The following PHACTR2 variants were observed in gnomAD, a reference collection of about 807,000 sequenced individuals.
The protein encoded by PHACTR2 is chromosome 6 open reading frame 56.
PHACTR2 carries 30 observed loss-of-function variants against 76.0 expected under a neutral mutation model. That is an observed-to-expected ratio of 0.39 (90% confidence interval 0.30 to 0.54). PHACTR2 has a LOEUF of 0.54. Ranked by LOEUF, PHACTR2 falls within the 20% of genes least tolerant of loss-of-function variation. The pLI is 0.61. For missense variants in PHACTR2, 696 were observed against 781.1 expected, an observed-to-expected ratio of 0.89 and a Z score of 1.30; for synonymous variants, 292 against 292.5, an observed-to-expected ratio of 1.00 and a Z score of 0.02.
intron 1 of PHACTR2, among the ~76,000 whole-genome samples, chr6:143,642,150 C>A (rs1281040265): frequency 6.6e-6 from 1 of 152,128 alleles, no homozygotes; most frequent in Non-Finnish European, 1.5e-5. Context: ...CTTATACTGA[C>A]ACTGTTGTAA....
In PHACTR2 at chr6:143,774,211, G is replaced by T. The variant is rs777483299; in HGVS notation, c.1585G>T (p.Val529Phe). The T allele has an allele frequency of 2.5e-5, 40 of 1,613,518 alleles. No homozygotes were observed. Among genetic ancestry groups the T allele is most frequent in the South Asian group, 7.7e-5 (7 of 91,066 alleles). Residue 529 changes from valine (V) to phenylalanine (F), a missense_variant, in exon 8 of 13, where the codon GTC (valine) becomes TTC (phenylalanine). Coordinates refer to ENST00000440869, the MANE Select transcript of PHACTR2 (RefSeq NM_001100164.2). This position sits in a 1 kb window ranked among gnomAD's most constrained non-coding sequence, Gnocchi z 5.4. ...CCGACAACAAATTGGAACCAAGTTA[G>T]TCAGGTAATTGCTAACATTTTAGGA... is the stretch of plus-strand genomic sequence containing the variant. The part of the protein sequence containing the change: ...EIRQQIGTKL[V>F]RRLSQRPTTE...
In PHACTR2 at chr6:143,571,108, A is replaced by G. The variant is rs1467125625; in HGVS notation, c.217+33901A>G. Among the ~76,000 whole-genome samples the G allele has an allele frequency of 2.6e-5, 4 of 152,224 alleles. No homozygotes were observed. Among genetic ancestry groups the G allele is most frequent in the Non-Finnish European group, 5.9e-5 (4 of 68,040 alleles). On this transcript the variant is annotated intron_variant, in intron 1 of 11. Coordinates refer to the PHACTR2 transcript ENST00000367584. The surrounding 1 kb of genome is among the most constrained non-coding windows in gnomAD (Gnocchi z 4.6). The stretch of plus-strand genomic sequence containing the variant: ...TAATATCTTACAAAACTGTAGTACA[A>G]CGATGGAAATCAAGAAGGGAATGTA...
At chr6:143,737,375 T>A (rs1778845848) in intron 2 of PHACTR2, among the ~76,000 whole-genome samples, 1 of 152,016 alleles carries the variant, frequency 6.6e-6, no homozygotes, top group East Asian at 1.9e-4. Context: ...GCTCAAGTGA[T>A]CCTCCTGTCT....
chr6:143,807,173 AGATGTGATC>A lies in PHACTR2; in HGVS notation c.1922+41_1922+49del. 1 of 1,188,194 alleles carries A rather than the reference AGATGTGATC, an allele frequency of 8.4e-7. No individual in the cohort carries two copies. Among genetic ancestry groups the A allele is most frequent in the Non-Finnish European group, 1.2e-6 (1 of 804,856 alleles). The allele number at this position is 1,188,194 out of a possible 1,614,324, so 73.6% of individuals were successfully genotyped here. A position where few individuals can be genotyped will look rare whatever the true frequency, so the allele number is the denominator to read the frequency against. ...GCAGCTTAGAAATTGAAAATGCTTA[AGATGTGATC>A]CCATGTTGAGTTGGTTAAAAAAAGA... On this transcript the variant is annotated intron_variant, in intron 12 of 12. Transcript: ENST00000440869. The surrounding 1 kb of genome is among the most constrained non-coding windows in gnomAD (Gnocchi z 5.5).
At position 143,554,945 on chromosome 6, in the gene PHACTR2, T is replaced by C. The variant is rs1449668619; in HGVS notation, c.217+17738T>C. 3 of 152,236 alleles carry C rather than the reference T, an allele frequency of 2.0e-5. No homozygotes were observed. The highest frequency in any genetic ancestry group is 1.5e-5 in the Non-Finnish European group (1 of 68,054). The allele number at this position is 152,236 out of a possible 1,614,324, so 9.4% of individuals were successfully genotyped here. ...TGAGTTGATAAATAATCCTTTGTGG[T>C]ATATACATTGGAAGTATTTTTCTGC... is the stretch of plus-strand genomic sequence containing the variant. On this transcript the variant is annotated intron_variant, in intron 1 of 11. Coordinates refer to the PHACTR2 transcript ENST00000367584. The surrounding 1 kb of genome is among the most constrained non-coding windows in gnomAD (Gnocchi z 5.9).
In PHACTR2 at chr6:143,662,776, G is replaced by A. The variant is rs1356470750; in HGVS notation, c.14-49240G>A. Among the ~76,000 whole-genome samples the A allele has an allele frequency of 4.6e-5, 7 of 151,836 alleles. No individual in the cohort carries two copies. Among genetic ancestry groups the A allele is most frequent in the African/African-American group, 1.7e-4 (7 of 41,330 alleles). ...TTCGGCTTTTATTTTTGATACAGGG[G>A]GTATGTATGGAGGACTGTTATATGG... On this transcript the variant is annotated intron_variant, in intron 1 of 11. Transcript: ENST00000305766. The surrounding 1 kb of genome is among the most constrained non-coding windows in gnomAD (Gnocchi z 4.7).
Position 143,774,034 on chromosome 6 carries a change from A to G in PHACTR2, c.1433-25A>G, listed in dbSNP as rs371006334. ...ACTGGCTAAAAGCCTCTCTCTCTGC[A>G]TTTCTGCTCTTTTTCAATCCTCAGG... On this transcript the variant is annotated intron_variant, in intron 7 of 12. Coordinates refer to ENST00000440869, the MANE Select transcript of PHACTR2 (RefSeq NM_001100164.2). This position sits in a 1 kb window ranked among gnomAD's most constrained non-coding sequence, Gnocchi z 5.4. 1.2e-6 allele frequency: 2 copies of G among 1,608,638 alleles called. No individual in the cohort carries two copies. Among genetic ancestry groups the G allele is most frequent in the Non-Finnish European group, 1.7e-6 (2 of 1,176,744 alleles).
At chr6:143,724,159 G>A (rs572043970) in intron 2 of PHACTR2, among the ~76,000 whole-genome samples, 1 of 151,706 alleles carries the variant, frequency 6.6e-6, no homozygotes, top group Admixed American at 6.6e-5. Context: ...GTTTTGAGAT[G>A]GAGTCTCACT....
chr6:143,810,718 G>C (rs1185026207), intron 12 of PHACTR2: 2 of 274,972 alleles, frequency 7.3e-6, no homozygotes, highest in Admixed American at 4.5e-5. Context: ...TGTAGTCTCA[G>C]CTACTTGGGT....
rs1190364475 is a variant in PHACTR2, at chr6:143,581,257, T to C, written c.217+44050T>C. On this transcript the variant is annotated intron_variant, in intron 1 of 11. Transcript: ENST00000367584. This position sits in a 1 kb window ranked among gnomAD's most constrained non-coding sequence, Gnocchi z 4.5. ...GCTCCTTTGACTATGGCATAGACTCTGTAGATGTCTGTAATTGACCGGGAG... is the reference window on the plus strand; with the variant it reads ...GCTCCTTTGACTATGGCATAGACTCCGTAGATGTCTGTAATTGACCGGGAG... Among the ~76,000 whole-genome samples the C allele has an allele frequency of 6.6e-6, 1 of 152,188 alleles. No homozygotes were observed. The highest frequency in any genetic ancestry group is 6.5e-5 in the Admixed American group (1 of 15,280).
Position 143,608,479 on chromosome 6 carries a change from A to G in PHACTR2, c.13+157A>G, listed in dbSNP as rs978196121. ...ATGTGAACCCCGATGCATTGTCCACAAGACAATTAGTGTTTACTTTGAAGT... is the reference window on the plus strand; with the variant it reads ...ATGTGAACCCCGATGCATTGTCCACGAGACAATTAGTGTTTACTTTGAAGT... On this transcript the variant is annotated intron_variant, in intron 1 of 11. Coordinates refer to the PHACTR2 transcript ENST00000305766. This position sits in a 1 kb window ranked among gnomAD's most constrained non-coding sequence, Gnocchi z 4.6. 2.6e-5 allele frequency among the ~76,000 whole-genome samples: 4 copies of G among 152,214 alleles called. No individual in the cohort carries two copies. The highest frequency in any genetic ancestry group is 5.9e-5 in the Non-Finnish European group (4 of 68,040).
intron 2 of PHACTR2, among the ~76,000 whole-genome samples, chr6:143,727,692 G>A (rs1293063309): frequency 1.3e-5 from 2 of 152,134 alleles, no homozygotes; most frequent in Non-Finnish European, 2.9e-5. Flanking sequence ...GTTTTGATTT[G>A]CATTTCCCTG....
At chr6:143,574,209 C>T (rs1398965719) in intron 1 of PHACTR2, among the ~76,000 whole-genome samples, 1 of 152,226 alleles carries the variant, frequency 6.6e-6, no homozygotes, top group African/African-American at 2.4e-5. Context: ...TGTGGGCTTC[C>T]TCAGCGTGGC....
intron 1 of PHACTR2, among the ~76,000 whole-genome samples, chr6:143,609,510 T>C (rs1775944191): frequency 6.6e-6 from 1 of 152,168 alleles, no homozygotes; most frequent in Non-Finnish European, 1.5e-5. Flanking sequence ...GTATATGGAT[T>C]ATACCCCCAT....
In PHACTR2 at chr6:143,807,987, TATC is replaced by T. The variant is rs1454357301; in HGVS notation, c.1922+857_1922+859del. Among the ~76,000 whole-genome samples, 10 of 152,188 alleles carry T rather than the reference TATC, an allele frequency of 6.6e-5. No individual in the cohort carries two copies. Among genetic ancestry groups the T allele is most frequent in the Non-Finnish European group, 1.0e-4 (7 of 68,040 alleles). On this transcript the variant is annotated intron_variant, in intron 12 of 12. Transcript: ENST00000440869. This position sits in a 1 kb window ranked among gnomAD's most constrained non-coding sequence, Gnocchi z 5.5. ...TTGATGGGGGAGGAGTGAGGTTTGT[TATC>T]ATAGACTTGCTCCACAGCTTTTCTT...
chr6:143,769,406 G>A (rs562183916), intron 6 of PHACTR2, among the ~76,000 whole-genome samples: 13 of 152,106 alleles, frequency 8.5e-5, no homozygotes, highest in Non-Finnish European at 1.6e-4. Flanking sequence ...TACAAATTTG[G>A]AATATATTTA....
chr6:143,741,903 A>C (rs1395983200), intron 2 of PHACTR2, among the ~76,000 whole-genome samples: 1 of 152,056 alleles, frequency 6.6e-6, no homozygotes, highest in Non-Finnish European at 1.5e-5. Flanking sequence ...GGAGTTCGAG[A>C]CCAGCCTGGC....
chr6:143,635,361 C>T (rs955810852), intron 1 of PHACTR2, among the ~76,000 whole-genome samples: 2 of 150,422 alleles, frequency 1.3e-5, no homozygotes, highest in Non-Finnish European at 3.0e-5. Context: ...TTTTCTGTTA[C>T]AAAAATGCCA....
Position 143,816,659 on chromosome 6 carries a change from G to A in PHACTR2, c.1923-7015G>A, listed in dbSNP as rs749414989. Among the ~76,000 whole-genome samples the A allele has an allele frequency of 5.3e-5, 8 of 151,434 alleles. No homozygotes were observed. Among genetic ancestry groups the A allele is most frequent in the Non-Finnish European group, 1.0e-4 (7 of 67,942 alleles). On this transcript the variant is annotated intron_variant, in intron 12 of 12. Coordinates refer to ENST00000440869, the MANE Select transcript of PHACTR2 (RefSeq NM_001100164.2). The surrounding 1 kb of genome is among the most constrained non-coding windows in gnomAD (Gnocchi z 4.5). ...GACTGTGGAACTCACTGTGTACTGCGATCCATGGGCAAATGGTGTGTGCAG... is the reference window on the plus strand; with the variant it reads ...GACTGTGGAACTCACTGTGTACTGCAATCCATGGGCAAATGGTGTGTGCAG...
Sources: gnomAD v4.1 joint callset for allele counts (sites outside exome capture counted in the v4.1 genomes callset) on GRCh38, gnomAD v4.1.1 for gene constraint, Gnocchi (gnomAD v3.1) non-coding constraint, MANE v1.5 for transcripts, NCBI Gene and HGNC (gene_info 2026-07-23, HGNC 2026-07-21) for gene names.